The following RSBN1L variants were observed in gnomAD, a reference collection of about 807,000 sequenced individuals.
RSBN1L encodes the protein round spermatid basic protein 1 like, also known as lysine-specific demethylase RSBN1L.
Under a neutral mutation model 67.7 loss-of-function variants are expected in RSBN1L, and 30 were observed. The observed-to-expected ratio is 0.44, with a 90% CI of 0.33 to 0.60. RSBN1L has a LOEUF of 0.60. RSBN1L is among the 20% of genes least tolerant of loss of function. RSBN1L has a pLI of 0.02. For synonymous variants in RSBN1L, 433 were observed against 387.0 expected, an observed-to-expected ratio of 1.12 and a Z score of -1.39; for missense variants, 992 against 1,031.7, an observed-to-expected ratio of 0.96 and a Z score of 0.53.
At chr7:77,768,525 ATAT>A in intron 4 of RSBN1L, 133 bp from the exon 5 acceptor site, 1 of 729,854 alleles carries the variant, frequency 1.4e-6, no homozygotes, top group Non-Finnish European at 2.3e-6. Flanking sequence ...GATATATTCA[ATAT>A]TATGTATTTC....
chr7:77,768,948 C>A, intron 5 of RSBN1L, 145 bp downstream of exon 5: 4 of 643,566 alleles, frequency 6.2e-6, no homozygotes, highest in South Asian at 2.6e-5. Context: ...CATGCTAATA[C>A]AATTTGTTAT....
At chr7:77,738,441 G>T (rs1791364934) in intron 2 of RSBN1L, among the ~76,000 whole-genome samples, 1 of 152,136 alleles carries the variant, frequency 6.6e-6, no homozygotes, top group Non-Finnish European at 1.5e-5. Context: ...TGACTTCTGG[G>T]ATGTCCATGG....
chr7:77,750,166 A>G (rs1188448443), intron 3 of RSBN1L, 102 bp downstream of exon 3: 5 of 631,518 alleles, frequency 7.9e-6, no homozygotes, highest in Non-Finnish European at 1.2e-5. Flanking sequence ...AAAGGTAAGA[A>G]TATAATGAAA....
intron 3 of RSBN1L, among the ~76,000 whole-genome samples, chr7:77,754,242 T>G (rs925281686): frequency 6.6e-6 from 1 of 152,208 alleles, no homozygotes; most frequent in Non-Finnish European, 1.5e-5. Context: ...GTTTGCCAGC[T>G]TTGTTCTTCA....
At chr7:77,735,215 G>A (rs1005039561) in intron 1 of RSBN1L, among the ~76,000 whole-genome samples, 1 of 152,030 alleles carries the variant, frequency 6.6e-6, no homozygotes, top group Admixed American at 6.6e-5. Flanking sequence ...ATTCAGTATG[G>A]TAGACACTAG....
At chr7:77,757,696 C>T (rs894728366) in intron 3 of RSBN1L, among the ~76,000 whole-genome samples, 2 of 152,198 alleles carry the variant, frequency 1.3e-5, no homozygotes, top group African/African-American at 2.4e-5. Context: ...CCAGTTGGGT[C>T]TTGGGACACC....
At chr7:77,746,401 T>TG in intron 2 of RSBN1L, among the ~76,000 whole-genome samples, 1 of 152,246 alleles carries the variant, frequency 6.6e-6, no homozygotes, top group South Asian at 2.1e-4. Context: ...TCACTCACAA[T>TG]GGTGATGCAG....
intron 4 of RSBN1L, among the ~76,000 whole-genome samples, chr7:77,767,524 C>G (rs1791785208): frequency 6.6e-6 from 1 of 151,802 alleles, no homozygotes; most frequent in Admixed American, 6.6e-5. Context: ...CAGACACACA[C>G]TACCATGCTA....
At chr7:77,737,478 T>C (rs1791352512) in intron 2 of RSBN1L, among the ~76,000 whole-genome samples, 1 of 152,258 alleles carries the variant, frequency 6.6e-6, no homozygotes, top group Non-Finnish European at 1.5e-5. Context: ...TTCTTTGTCA[T>C]GTTTTCAGAT....
intron 2 of RSBN1L, among the ~76,000 whole-genome samples, chr7:77,747,659 G>A (rs1791502342): frequency 6.6e-6 from 1 of 152,242 alleles, no homozygotes; most frequent in South Asian, 2.1e-4. Context: ...ACACCTGGAT[G>A]TTCAGGCAGA....
intron 3 of RSBN1L, among the ~76,000 whole-genome samples, chr7:77,756,688 G>C (rs988494616): frequency 6.6e-6 from 1 of 152,092 alleles, no homozygotes; most frequent in Admixed American, 6.5e-5. Flanking sequence ...TGAGGCAGGA[G>C]AATCGCTTGA....
chr7:77,721,343 T>C (rs1043011338), intron 1 of RSBN1L, among the ~76,000 whole-genome samples: 5 of 152,080 alleles, frequency 3.3e-5, no homozygotes, highest in African/African-American at 9.7e-5. Context: ...TTCATTCACA[T>C]TGAGCATCAC....
intron 1 of RSBN1L, among the ~76,000 whole-genome samples, chr7:77,734,768 C>CG (rs1226238740): frequency 6.6e-6 from 1 of 152,102 alleles, no homozygotes; most frequent in Non-Finnish European, 1.5e-5. Context: ...GGATTATAGA[C>CG]GTGAGCCACC....
At chr7:77,758,227 C>T (rs987010322) in intron 3 of RSBN1L, among the ~76,000 whole-genome samples, 1 of 152,092 alleles carries the variant, frequency 6.6e-6, no homozygotes, top group Non-Finnish European at 1.5e-5. Flanking sequence ...GGTGCGATCT[C>T]GGCTCACTGC....
At chr7:77,763,299 T>C (rs1242820177) in intron 3 of RSBN1L, among the ~76,000 whole-genome samples, 7 of 152,102 alleles carry the variant, frequency 4.6e-5, no homozygotes, top group Non-Finnish European at 1.0e-4. Flanking sequence ...TTTTTAGATA[T>C]ATTTCAAAGC....
chr7:77,722,706 G>A (rs985449091), intron 1 of RSBN1L, among the ~76,000 whole-genome samples: 1 of 151,246 alleles, frequency 6.6e-6, no homozygotes, highest in East Asian at 1.9e-4. Flanking sequence ...TTCTTCTGCC[G>A]CTGCTTGTTC....
At chr7:77,763,162 T>TG (rs1484846306) in intron 3 of RSBN1L, among the ~76,000 whole-genome samples, 1 of 150,700 alleles carries the variant, frequency 6.6e-6, no homozygotes, top group African/African-American at 2.4e-5. Context: ...TTTTTTTTTT[T>TG]TTTTTTTGGT....
In RSBN1L at chr7:77,781,140, G is replaced by A. The variant is rs1791992703; in HGVS notation, c.*1972G>A. ...ACAAGTAAAAGTTAATTGCAGCAAT[G>A]ATGTCAGTTTTGGCCCCTAGTTTAA... On this transcript the variant is annotated 3_prime_UTR_variant, in exon 8 of 8. Transcript: ENST00000334955. 1.3e-5 allele frequency: 2 copies of A among 152,318 alleles called. No homozygotes were observed. Among genetic ancestry groups the A allele is most frequent in the South Asian group, 2.1e-4 (1 of 4,824 alleles). The allele number at this position is 152,318 out of a possible 1,614,324, so 9.4% of individuals were successfully genotyped here.
At position 77,696,846 on chromosome 7, in the gene RSBN1L, G is replaced by T. The variant is rs1211654180; in HGVS notation, c.377G>T (p.Arg126Leu). Reference protein sequence around the residue: ...ASASLSQPVPRKLLVPPTLLH... With the variant: ...ASASLSQPVPLKLLVPPTLLH... ...GCTTCCTTGTCTCAGCCGGTGCCGC[G>T]CAAACTGCTGGTCCCTCCTACGCTG... is the stretch of plus-strand genomic sequence containing the variant. The change falls in exon 1 of 8, where the codon CGC (arginine) becomes CTC (leucine). Residue 126 changes from arginine to leucine, a missense_variant. This residue lies in a region of RSBN1L where 575 missense variants were observed against 483.2 expected (regional missense o/e 1.19). Transcript: ENST00000334955. 1 of 1,612,760 alleles carries T rather than the reference G, an allele frequency of 6.2e-7. No individual in the cohort carries two copies. Among genetic ancestry groups the T allele is most frequent in the Non-Finnish European group, 8.5e-7 (1 of 1,179,920 alleles).
Sources: allele counts gnomAD v4.1 joint callset (sites outside exome capture counted in the v4.1 genomes callset), GRCh38; gene constraint gnomAD v4.1.1; regional missense constraint gnomAD v4.1.1; transcripts MANE v1.5; gene names NCBI Gene and HGNC (gene_info 2026-07-23, HGNC 2026-07-21).